Variants in CDH18 observed in about 807,000 individuals in gnomAD.
The protein encoded by CDH18 is cadherin 18.
Under a neutral mutation model 67.9 loss-of-function variants are expected in CDH18, and 31 were observed. The ratio of observed to expected loss-of-function variants is 0.46; its 90% CI spans 0.34 to 0.62. CDH18 has a LOEUF of 0.62. Among genes scored for constraint, CDH18 ranks in the 20% least tolerant of loss-of-function variants. CDH18 has a pLI of 0.01. For synonymous variants in CDH18, 362 were observed against 347.2 expected (o/e 1.04, Z -0.48); for missense variants, 890 against 975.5 (o/e 0.91, Z 1.17).
chr5:20,062,079 G>C (rs1466943076), intron 2 of CDH18, among the ~76,000 whole-genome samples: 1 of 150,942 alleles, frequency 6.6e-6, no homozygotes, highest in Non-Finnish European at 1.5e-5. Context: ...GGCCTGGAGG[G>C]GCTCAGTAAA....
chr5:20,290,792 A>G (rs1449372802), intron 1 of CDH18, among the ~76,000 whole-genome samples: 2 of 152,162 alleles, frequency 1.3e-5, no homozygotes, highest in African/African-American at 4.8e-5. Flanking sequence ...AAATGGAAGA[A>G]GGAGGCAGAA....
At chr5:19,745,319 A>G (rs146776690) in intron 4 of CDH18, among the ~76,000 whole-genome samples, 1 of 152,264 alleles carries the variant, frequency 6.6e-6, no homozygotes, top group East Asian at 1.9e-4. Flanking sequence ...AAGCCCTCCA[A>G]TGCTCGTATT....
chr5:19,635,832 T>C (rs769375794), intron 5 of CDH18, among the ~76,000 whole-genome samples: 8 of 152,186 alleles, frequency 5.3e-5, no homozygotes, highest in Non-Finnish European at 1.2e-4. Context: ...TTCAGGATCA[T>C]ATTATCCAAA....
At chr5:20,085,473 C>T (rs1210812315) in intron 2 of CDH18, among the ~76,000 whole-genome samples, 1 of 152,158 alleles carries the variant, frequency 6.6e-6, no homozygotes, top group African/African-American at 2.4e-5. Context: ...TGCCTGTTAC[C>T]CAGTTGCAAA....
intron 3 of CDH18, among the ~76,000 whole-genome samples, chr5:19,768,447 C>T (rs1773350495): frequency 6.6e-6 from 1 of 152,046 alleles, no homozygotes; most frequent in South Asian, 2.1e-4. Flanking sequence ...AAAAGACATA[C>T]AAAGAACATA....
At chr5:19,803,932 C>T (rs62355772) in intron 3 of CDH18, 12,624 of 151,980 alleles carry the variant, frequency 0.083, 537 homozygotes, top group African/African-American at 0.1. Flanking sequence ...CCATCCTGGC[C>T]AACACGATGA....
chr5:19,555,973 C>T (rs1738339571), intron 8 of CDH18, among the ~76,000 whole-genome samples: 1 of 152,190 alleles, frequency 6.6e-6, no homozygotes, highest in Non-Finnish European at 1.5e-5. Context: ...TCCCCAGTAT[C>T]AGCCCAGAGC....
intron 2 of CDH18, among the ~76,000 whole-genome samples, chr5:20,089,846 G>A (rs1388914767): frequency 1.3e-5 from 2 of 151,968 alleles, no homozygotes; most frequent in Non-Finnish European, 2.9e-5. Context: ...ATTTAGATTT[G>A]CCACATTACT....
chr5:19,751,944 C>T (rs181197671), intron 3 of CDH18, among the ~76,000 whole-genome samples: 2 of 152,218 alleles, frequency 1.3e-5, no homozygotes, highest in Admixed American at 1.3e-4. Flanking sequence ...TGAGAGTACT[C>T]GCAGACCCTC....
chr5:20,195,119 A>G (rs1048879262), intron 2 of CDH18, among the ~76,000 whole-genome samples: 6 of 152,204 alleles, frequency 3.9e-5, no homozygotes, highest in South Asian at 2.1e-4. Flanking sequence ...AGATACCTCC[A>G]TCTTATTCAA....
intron 1 of CDH18, among the ~76,000 whole-genome samples, chr5:20,501,455 ATACATAT>A (rs1754245662): frequency 8.6e-6 from 1 of 116,674 alleles, no homozygotes; most frequent in Non-Finnish European, 1.8e-5. Flanking sequence ...TATATTTTAT[ATACATAT>A]TATATATATT....
intron 3 of CDH18, among the ~76,000 whole-genome samples, chr5:19,763,567 C>T (rs1772654746): frequency 6.6e-6 from 1 of 152,250 alleles, no homozygotes; most frequent in East Asian, 1.9e-4. Flanking sequence ...TTGAAGGTCT[C>T]AGCAGATATA....
intron 1 of CDH18, among the ~76,000 whole-genome samples, chr5:20,322,650 T>C (rs929457191): frequency 6.6e-6 from 1 of 152,136 alleles, no homozygotes; most frequent in African/African-American, 2.4e-5. Flanking sequence ...CTAGTCTCTC[T>C]TGTAAAATTC....
At chr5:20,293,001 C>T (rs1376836403) in intron 1 of CDH18, among the ~76,000 whole-genome samples, 1 of 152,134 alleles carries the variant, frequency 6.6e-6, no homozygotes, top group Non-Finnish European at 1.5e-5. Context: ...CCTATAACAG[C>T]TGTTAACTCT....
At chr5:20,485,141 TAGC>T (rs1021529956) in intron 1 of CDH18, among the ~76,000 whole-genome samples, 4 of 152,146 alleles carry the variant, frequency 2.6e-5, no homozygotes, top group African/African-American at 9.6e-5. Context: ...ACCCCTGTGT[TAGC>T]AGTATCTGGC....
intron 2 of CDH18, among the ~76,000 whole-genome samples, chr5:19,905,523 T>C (rs764782379): frequency 6.6e-6 from 1 of 151,948 alleles, no homozygotes; most frequent in Non-Finnish European, 1.5e-5. Context: ...TGTATACGTA[T>C]GATTAGTAGT....
At chr5:19,571,086 T>C (rs1741299309) in intron 8 of CDH18, among the ~76,000 whole-genome samples, 1 of 152,228 alleles carries the variant, frequency 6.6e-6, no homozygotes, top group Non-Finnish European at 1.5e-5. Context: ...TTTACGCACA[T>C]TGCTTCATGC....
chr5:20,264,259 T>C (rs1268953823), intron 1 of CDH18, among the ~76,000 whole-genome samples: 1 of 152,102 alleles, frequency 6.6e-6, no homozygotes, highest in East Asian at 1.9e-4. Context: ...GATACTGATG[T>C]TCTTGACCAA....
intron 1 of CDH18, among the ~76,000 whole-genome samples, chr5:20,542,727 T>C (rs1757121948): frequency 6.6e-6 from 1 of 152,052 alleles, no homozygotes; most frequent in South Asian, 2.1e-4. Flanking sequence ...CTGTCTTCAT[T>C]GATTTATGAC....
Sources: allele counts gnomAD v4.1 joint callset (sites outside exome capture counted in the v4.1 genomes callset), GRCh38; gene constraint gnomAD v4.1.1; transcripts MANE v1.5; gene names NCBI Gene and HGNC (gene_info 2026-07-23, HGNC 2026-07-21).